The following BLTP1 variants were observed in gnomAD, a reference collection of about 807,000 sequenced individuals.
BLTP1 encodes the protein fragile site-associated protein.
At chr4:122,178,903 A>C in the BLTP1 span, among the ~76,000 whole-genome samples, 4 of 152,220 alleles carry the variant, frequency 2.6e-5, no homozygotes, top group Non-Finnish European at 5.9e-5. Context: ...AAGGTTGAAC[A>C]AAATGCGTAA....
the BLTP1 span, chr4:122,349,451 T>A: frequency 1.3e-6 from 2 of 1,577,702 alleles, no homozygotes; most frequent in Non-Finnish European, 1.7e-6. The surrounding 1 kb of genome is among the most constrained non-coding windows in gnomAD (Gnocchi z 4.5). Context: ...CTATTTTAGC[T>A]CATATTTCTG....
the BLTP1 span, chr4:122,184,875 G>A: frequency 2.0e-6 from 2 of 983,990 alleles, no homozygotes; most frequent in South Asian, 9.4e-5. Flanking sequence ...CTAGCTGTTG[G>A]AATACTTTTT....
chr4:122,333,828 A>G, the BLTP1 span: 1 of 1,596,884 alleles, frequency 6.3e-7, no homozygotes, highest in East Asian at 2.2e-5. Context: ...CCAATTGCCT[A>G]GGGTAAGGGA....
chr4:122,200,955 A>C, the BLTP1 span: 1 of 1,585,862 alleles, frequency 6.3e-7, no homozygotes, highest in Admixed American at 1.8e-5. Context: ...AATGCTGTTC[A>C]CACAGTGTCA....
At chr4:122,215,674 CTTTAAGT>C in the BLTP1 span, 1 of 591,492 alleles carries the variant, frequency 1.7e-6, no homozygotes, top group African/African-American at 2.0e-5. Context: ...CTTTGAACAT[CTTTAAGT>C]TTTGTTTGTT....
At chr4:122,346,032 G>C in the BLTP1 span, 14 of 984,048 alleles carry the variant, frequency 1.4e-5, no homozygotes, top group Non-Finnish European at 1.7e-5. Flanking sequence ...GACTTAGCGG[G>C]TATCGCTATG....
chr4:122,237,228 G>A, the BLTP1 span: 3 of 985,408 alleles, frequency 3.0e-6, no homozygotes, highest in Non-Finnish European at 3.6e-6. Flanking sequence ...GGAGGAGGGG[G>A]AAGTTGAGCA....
the BLTP1 span, among the ~76,000 whole-genome samples, chr4:122,261,137 A>G: frequency 6.6e-6 from 1 of 152,178 alleles, no homozygotes; most frequent in Non-Finnish European, 1.5e-5. Context: ...TATTCTGTGT[A>G]AGTATGGCTC....
At chr4:122,155,961 G>A in the BLTP1 span, 1 of 954,724 alleles carries the variant, frequency 1.0e-6, no homozygotes, top group African/African-American at 1.8e-5. Context: ...GTAGTTTCTA[G>A]CCACCATCAT....
At chr4:122,199,770 A>G in the BLTP1 span, 13 of 260,808 alleles carry the variant, frequency 5.0e-5, no homozygotes, top group Non-Finnish European at 6.6e-5. Flanking sequence ...TAAGTAAGAT[A>G]ATTCTTTAAT....
chr4:122,214,193 T>C, the BLTP1 span: 1 of 966,906 alleles, frequency 1.0e-6, no homozygotes, highest in Non-Finnish European at 1.2e-6. Context: ...ATGAGCATCA[T>C]TGGATAAGTA....
the BLTP1 span, chr4:122,227,328 C>T: frequency 2.0e-6 from 2 of 986,014 alleles, no homozygotes; most frequent in Non-Finnish European, 2.4e-6. Context: ...AGAGTCATTA[C>T]AATATCTTCA....
the BLTP1 span, chr4:122,306,405 A>C: frequency 4.8e-6 from 1 of 207,176 alleles, no homozygotes; most frequent in Non-Finnish European, 8.4e-6. Context: ...GGAATACAAA[A>C]ATAAACAACA....
At chr4:122,346,364 AG>A in the BLTP1 span, 1 of 660,794 alleles carries the variant, frequency 1.5e-6, no homozygotes, top group Non-Finnish European at 1.9e-6. Context: ...GCTGGCTATC[AG>A]ACTGATCTTT....
chr4:122,202,360 C>T, the BLTP1 span, among the ~76,000 whole-genome samples: 3 of 152,080 alleles, frequency 2.0e-5, no homozygotes, highest in African/African-American at 7.2e-5. Context: ...AAGCAGTTTG[C>T]ACATATTAAA....
the BLTP1 span, chr4:122,313,906 T>C: frequency 4.4e-6 from 1 of 229,184 alleles, no homozygotes; most frequent in Admixed American, 6.6e-5. Flanking sequence ...TACTACAAGA[T>C]GTTTTAGAAA....
At chr4:122,344,827 T>C in the BLTP1 span, 1 of 985,276 alleles carries the variant, frequency 1.0e-6, no homozygotes. Context: ...TTCTTCACTT[T>C]TTCTCCACCA....
the BLTP1 span, among the ~76,000 whole-genome samples, chr4:122,155,187 A>T: frequency 6.6e-6 from 1 of 152,234 alleles, no homozygotes; most frequent in East Asian, 1.9e-4. Context: ...ATAAGCAAGT[A>T]TGTTTTTGGT....
At chr4:122,207,713 C>G in the BLTP1 span, 1 of 1,242,902 alleles carries the variant, frequency 8.0e-7, no homozygotes, top group Non-Finnish European at 1.1e-6. Flanking sequence ...TATCTTCACT[C>G]TCTTCTCCCC....
Sources: gnomAD v4.1 joint callset for allele counts (sites outside exome capture counted in the v4.1 genomes callset) on GRCh38, gnomAD v4.1.1 for gene constraint, Gnocchi (gnomAD v3.1) non-coding constraint, MANE v1.5 for transcripts, NCBI Gene and HGNC (gene_info 2026-07-23, HGNC 2026-07-21) for gene names.